The following RPGRIP1L variants were observed in gnomAD, a reference collection of about 807,000 sequenced individuals.
RPGRIP1L encodes protein fantom.
In RPGRIP1L, 131 loss-of-function variants were observed where a neutral mutation model predicts 160.4. The observed-to-expected ratio is 0.82, with a 90% CI of 0.71 to 0.94. The LOEUF (loss-of-function observed/expected upper bound fraction) is 0.94, where lower values mean the gene tolerates loss of function less well. RPGRIP1L is among the 40% of genes least tolerant of loss of function. The probability of loss-of-function intolerance (pLI) is 0.00; values close to 1 mark genes in which losing one functional copy is unlikely to be tolerated. For synonymous variants in RPGRIP1L, 510 were observed against 515.8 expected (o/e 0.99, Z 0.15); for missense variants, 1,522 against 1,535.8 (o/e 0.99, Z 0.15).
chr16:53,607,957 C>G (rs2150927496), intron 25 of RPGRIP1L: 2 of 984,720 alleles, frequency 2.0e-6, no homozygotes, highest in Admixed American at 6.1e-5. Flanking sequence ...CAACTTTGTC[C>G]CATGTCTGGA....
chr16:53,605,702 G>A, intron 25 of RPGRIP1L, 88 bp from the exon 26 acceptor site: 1 of 1,344,684 alleles, frequency 7.4e-7, no homozygotes, highest in Non-Finnish European at 1.1e-6. Flanking sequence ...TTATCACTAG[G>A]TATAAAATGT....
intron 16 of RPGRIP1L, among the ~76,000 whole-genome samples, chr16:53,648,017 A>C (rs1227101615): frequency 1.3e-5 from 2 of 149,674 alleles, no homozygotes; most frequent in African/African-American, 4.9e-5. Context: ...AGGCAGGAGA[A>C]TGCATGAACC....
Position 53,675,131 on chromosome 16 carries a change from T to C in RPGRIP1L, c.777-9A>G, listed in dbSNP as rs1969053796. The C allele has an allele frequency of 9.4e-6, 15 of 1,589,086 alleles. No individual in the cohort carries two copies. Among genetic ancestry groups the C allele is most frequent in the Non-Finnish European group, 1.3e-5 (15 of 1,159,482 alleles). On this transcript the variant is annotated splice_polypyrimidine_tract_variant and intron_variant, in intron 6 of 26. Coordinates refer to ENST00000647211, the MANE Select transcript of RPGRIP1L (RefSeq NM_015272.5). Reference sequence around the variant, plus strand: ...TGTCCCGAATATTTGACCTTCAGAGTTGTGTTTAAGAAAAAGAGAGACAGA... The same window carrying C: ...TGTCCCGAATATTTGACCTTCAGAGCTGTGTTTAAGAAAAAGAGAGACAGA...
chr16:53,653,098 A>G (rs1234519092), intron 14 of RPGRIP1L, 111 bp from the exon 15 acceptor site: 4 of 959,740 alleles, frequency 4.2e-6, no homozygotes, highest in Non-Finnish European at 6.3e-6. Context: ...CTCTATTTTA[A>G]ATTCTATGAC....
rs776680083 is a variant in RPGRIP1L at position 53,672,919 on chromosome 16, A to C, written c.980T>G (p.Leu327Arg). 1.2e-6 allele frequency: 2 copies of C among 1,613,114 alleles called. No individual in the cohort carries two copies. Among genetic ancestry groups the C allele is most frequent in the Admixed American group, 3.3e-5 (2 of 59,952 alleles). Reference protein sequence around the residue: ...LKEQRLKCCSLEKQLHSMKFS... With the variant: ...LKEQRLKCCSREKQLHSMKFS... ...CTTCATAGAATGTAATTGTTTCTCAAGACTGCAGCATTTTAAACGCTGCTC... is the reference window on the plus strand; with the variant it reads ...CTTCATAGAATGTAATTGTTTCTCACGACTGCAGCATTTTAAACGCTGCTC... Residue 327 changes from leucine to arginine, a missense_variant, in exon 8 of 27, where the codon CTT becomes CGT. By Grantham distance (102) the Leu-to-Arg change is moderately radical. Coordinates refer to ENST00000647211, the MANE Select transcript of RPGRIP1L (RefSeq NM_015272.5).
At chr16:53,657,191 G>A (rs1213042012) in intron 13 of RPGRIP1L, among the ~76,000 whole-genome samples, 1 of 151,792 alleles carries the variant, frequency 6.6e-6, no homozygotes, top group African/African-American at 2.4e-5. Flanking sequence ...AGTGAGCCAC[G>A]ATTGCGCCAC....
intron 26 of RPGRIP1L, 154 bp downstream of exon 26, chr16:53,605,327 G>A (rs926213259): frequency 1.7e-5 from 13 of 785,606 alleles, no homozygotes; most frequent in Non-Finnish European, 2.2e-5. Context: ...ATAGGAAGAC[G>A]CTTCAGCTTC....
chr16:53,627,416 TATTCA>T (rs1315722915), intron 22 of RPGRIP1L, among the ~76,000 whole-genome samples: 1 of 152,214 alleles, frequency 6.6e-6, no homozygotes, highest in Admixed American at 6.5e-5. Flanking sequence ...TAATTTGGCA[TATTCA>T]ATTCAACTAG....
chr16:53,656,212 T>A (rs891666765), intron 14 of RPGRIP1L, among the ~76,000 whole-genome samples: 4 of 152,050 alleles, frequency 2.6e-5, no homozygotes. Context: ...GTAATCCCAA[T>A]ACTTTGAGAG....
intron 25 of RPGRIP1L, among the ~76,000 whole-genome samples, chr16:53,608,837 T>C (rs1963845457): frequency 6.6e-6 from 1 of 152,042 alleles, no homozygotes; most frequent in African/African-American, 2.4e-5. Flanking sequence ...AAAACATACA[T>C]GTAAACGCCT....
At chr16:53,696,419 T>C in intron 2 of RPGRIP1L, 124 bp from the exon 3 acceptor site, 1 of 940,568 alleles carries the variant, frequency 1.1e-6, no homozygotes, top group Non-Finnish European at 1.7e-6. Context: ...ACAGTTAAGA[T>C]TGCTTTAGAA....
At chr16:53,687,145 C>T (rs1030198164) in intron 5 of RPGRIP1L, among the ~76,000 whole-genome samples, 37 of 152,190 alleles carry the variant, frequency 2.4e-4, no homozygotes, top group African/African-American at 8.7e-4. Flanking sequence ...ACTGTAGCTG[C>T]TATTTAAAAT....
In RPGRIP1L at chr16:53,646,168, C is replaced by T. The variant is rs45512691; in HGVS notation, c.2305-165G>A. Among the ~76,000 whole-genome samples, 942 of 152,080 alleles carry T rather than the reference C, an allele frequency of 6.2e-3. 5 individuals are homozygous for T. The highest frequency in any genetic ancestry group is 0.01 in the Non-Finnish European group (687 of 67,986). On this transcript the variant is annotated intron_variant, in intron 16 of 26. Coordinates refer to ENST00000647211, the MANE Select transcript of RPGRIP1L (RefSeq NM_015272.5). ...TTTATTCTAATGGAAAATCAATATT[C>T]CCTAGAACATGTATGAATAGATGAT...
intron 16 of RPGRIP1L, 34 bp from the exon 17 acceptor site, chr16:53,646,037 A>G: frequency 6.2e-7 from 1 of 1,605,348 alleles, no homozygotes; most frequent in Non-Finnish European, 8.5e-7. Flanking sequence ...TTAAGGAAAT[A>G]ACACAGTTAA....
rs1963283799 is a variant in RPGRIP1L, at chr16:53,599,230, C to T, written c.*2846G>A. 1 of 152,164 alleles carries T rather than the reference C, an allele frequency of 6.6e-6. No individual in the cohort carries two copies. The highest frequency in any genetic ancestry group is 1.5e-5 in the Non-Finnish European group (1 of 68,030). 9.4% of individuals were successfully genotyped at this position (152,164 alleles called of 1,614,324 possible). A position where few individuals can be genotyped will look rare whatever the true frequency, so the allele number is the denominator to read the frequency against. On this transcript the variant is annotated 3_prime_UTR_variant, in exon 27 of 27. Transcript: ENST00000647211. ...GGTAACGAATGAATGGCAGGAACAG[C>T]AGAATTTCAGTGTGGCCTTTCTTTA...
At chr16:53,642,362 G>T (rs998715818) in intron 17 of RPGRIP1L, among the ~76,000 whole-genome samples, 3 of 151,442 alleles carry the variant, frequency 2.0e-5, no homozygotes, top group African/African-American at 7.3e-5. Context: ...TAAATTTCAG[G>T]CATTAGCTTT....
intron 6 of RPGRIP1L, 95 bp downstream of exon 6, chr16:53,686,338 A>T: frequency 1.5e-6 from 2 of 1,303,534 alleles, no homozygotes; most frequent in Non-Finnish European, 2.2e-6. Flanking sequence ...CATGATTTTT[A>T]AATAGACTAG....
chr16:53,677,267 G>A (rs1391447377), intron 6 of RPGRIP1L, among the ~76,000 whole-genome samples: 1 of 152,156 alleles, frequency 6.6e-6, no homozygotes, highest in Non-Finnish European at 1.5e-5. Flanking sequence ...GACAACAGCA[G>A]TAATGTACTT....
chr16:53,692,783 T>G (rs1034312998), intron 3 of RPGRIP1L, among the ~76,000 whole-genome samples: 8 of 152,174 alleles, frequency 5.3e-5, no homozygotes, highest in African/African-American at 1.7e-4. Flanking sequence ...GTGCAGCATT[T>G]AGGTAATATA....
Sources: allele counts gnomAD v4.1 joint callset (sites outside exome capture counted in the v4.1 genomes callset), GRCh38; gene constraint gnomAD v4.1.1; transcripts MANE v1.5; gene names NCBI Gene and HGNC (gene_info 2026-07-23, HGNC 2026-07-21).